The following TMEM230 variants were observed in gnomAD, a reference collection of about 807,000 sequenced individuals.
The protein encoded by TMEM230 is UPF0414 transmembrane protein C20orf30.
A neutral mutation model predicts 15.8 loss-of-function variants in TMEM230; 10 were observed. That is an observed-to-expected ratio of 0.63 (90% confidence interval 0.39 to 1.07). TMEM230 has a LOEUF of 1.07. Among genes scored for constraint, TMEM230 ranks in the 50% least tolerant of loss-of-function variants. The probability of loss-of-function intolerance (pLI) is 0.01; values close to 1 mark genes in which losing one functional copy is unlikely to be tolerated. For synonymous variants in TMEM230, 67 were observed against 76.9 expected, an observed-to-expected ratio of 0.87 and a Z score of 0.68; for missense variants, 165 against 193.3, an observed-to-expected ratio of 0.85 and a Z score of 0.87.
chr20:5,076,413 C>T (rs1173410706), intron 3 of TMEM230, among the ~76,000 whole-genome samples: 4 of 151,836 alleles, frequency 2.6e-5, no homozygotes, highest in East Asian at 2.0e-4. Flanking sequence ...TGGTGGCGGG[C>T]GCCTGTAATC....
chr20:5,110,556 A>G (rs775982105), intron 2 of TMEM230, among the ~76,000 whole-genome samples: 8 of 152,156 alleles, frequency 5.3e-5, no homozygotes, highest in Non-Finnish European at 8.8e-5. Context: ...AAGTGCTGGG[A>G]TTACAGGCCA....
chr20:5,096,055 C>T (rs1461373151), downstream of TMEM230, among the ~76,000 whole-genome samples: 2 of 152,236 alleles, frequency 1.3e-5, no homozygotes, highest in Non-Finnish European at 2.9e-5. Context: ...GACCTCCTCA[C>T]ACCCTCCGTC....
chr20:5,074,813 TA>T (rs1360420175), intron 3 of TMEM230, among the ~76,000 whole-genome samples: 176 of 152,248 alleles, frequency 1.2e-3, no homozygotes, highest in Non-Finnish European at 1.9e-3. Context: ...TATTGCCTTT[TA>T]AAAAAAATTT....
exon 4 of TMEM230, chr20:5,068,790 G>T (rs946866818): frequency 3.8e-5 from 6 of 158,206 alleles, no homozygotes; most frequent in Admixed American, 6.4e-5. Context: ...AGGGGAGAAT[G>T]GATGTAGTAC....
At chr20:5,110,306 C>T (rs148006571) in intron 2 of TMEM230, among the ~76,000 whole-genome samples, 546 of 149,208 alleles carry the variant, frequency 3.7e-3, no homozygotes, top group African/African-American at 0.013. Flanking sequence ...TTTTTCTTTG[C>T]GATAGTCTCA....
At chr20:5,090,223 C>T (rs575114521) in intron 3 of TMEM230, among the ~76,000 whole-genome samples, 47 of 152,072 alleles carry the variant, frequency 3.1e-4, no homozygotes, top group Non-Finnish European at 6.0e-4. Flanking sequence ...CAGAAAATTC[C>T]CTAACACTAA....
Position 5,100,466 on chromosome 20 carries a change from A to G in TMEM230, c.*325T>C. The G allele has an allele frequency of 9.6e-7, 1 of 1,040,362 alleles. No individual in the cohort carries two copies. The highest frequency in any genetic ancestry group is 1.7e-5 in the African/African-American group (1 of 58,932). 64.4% of individuals were successfully genotyped at this position (1,040,362 alleles called of 1,614,324 possible). A position where few individuals can be genotyped will look rare whatever the true frequency, so the allele number is the denominator to read the frequency against. ...CATTTGCTACAAGAACAAATTGGCA[A>G]TGAAGACTATTTAAAAGAAATGCTC... On this transcript the variant is annotated 3_prime_UTR_variant, in exon 5 of 5. Transcript: ENST00000342308.
At chr20:5,092,737 G>C (rs968726987) in intron 3 of TMEM230, among the ~76,000 whole-genome samples, 3 of 151,126 alleles carry the variant, frequency 2.0e-5, no homozygotes, top group Non-Finnish European at 2.9e-5. Flanking sequence ...AAAAAAGAGA[G>C]AGAGAGAGAA....
chr20:5,087,850 G>A (rs558830298), intron 3 of TMEM230, among the ~76,000 whole-genome samples: 100 of 149,092 alleles, frequency 6.7e-4, no homozygotes, highest in African/African-American at 1.4e-3. Context: ...GTACCACCAC[G>A]CCTGGCTAAT....
intron 4 of TMEM230, among the ~76,000 whole-genome samples, chr20:5,105,797 G>A (rs958630806): frequency 1.3e-5 from 2 of 151,906 alleles, no homozygotes; most frequent in African/African-American, 4.8e-5. Context: ...CCAGCACTTT[G>A]GAAGGCTGAG....
At chr20:5,060,233 A>G in the TMEM230 span, among the ~76,000 whole-genome samples, 1 of 151,728 alleles carries the variant, frequency 6.6e-6, no homozygotes. Flanking sequence ...CCTTTTAAAA[A>G]AGAATAGTTT....
chr20:5,105,940 C>T (rs746953839), intron 4 of TMEM230, among the ~76,000 whole-genome samples: 7 of 151,788 alleles, frequency 4.6e-5, no homozygotes, highest in Non-Finnish European at 8.8e-5. Flanking sequence ...GTGGCACACA[C>T]GTGTAGTCCC....
Position 5,100,544 on chromosome 20 carries a change from T to C in TMEM230, c.*247A>G. 7.9e-7 allele frequency: 1 copy of C among 1,263,570 alleles called. No individual in the cohort carries two copies. Among genetic ancestry groups the C allele is most frequent in the Non-Finnish European group, 1.0e-6 (1 of 999,946 alleles). The allele number at this position is 1,263,570 out of a possible 1,614,324, so 78.3% of individuals were successfully genotyped here. On this transcript the variant is annotated 3_prime_UTR_variant, in exon 5 of 5. Transcript: ENST00000342308. ...CACTTTTCCATTACAGAATAACCTC[T>C]ATTCTTCCATGATACATATTCCTGT...
rs114584691 is a variant in TMEM230, at chr20:5,101,885, T to C, written c.412-954A>G. ...CAACAGGAACTCCAACCAAACCTAC[T>C]GTAAGAAGGAACTGACTTACGAGGC... is the stretch of plus-strand genomic sequence containing the variant. On this transcript the variant is annotated intron_variant, in intron 4 of 4. Coordinates refer to ENST00000342308, the MANE Select transcript of TMEM230 (RefSeq NM_001009923.2). 3.1e-3 allele frequency among the ~76,000 whole-genome samples: 466 copies of C among 152,354 alleles called. 3 individuals are homozygous for C. The highest frequency in any genetic ancestry group is 1.0e-2 in the African/African-American group (415 of 41,570).
At chr20:5,062,764 A>G in the TMEM230 span, among the ~76,000 whole-genome samples, 1 of 152,120 alleles carries the variant, frequency 6.6e-6, no homozygotes, top group South Asian at 2.1e-4. Flanking sequence ...CCCTGTCATA[A>G]ATAATAAATA....
chr20:5,072,246 C>A (rs1424289557), intron 3 of TMEM230, among the ~76,000 whole-genome samples: 1 of 151,878 alleles, frequency 6.6e-6, no homozygotes, highest in Non-Finnish European at 1.5e-5. Flanking sequence ...GAAATGGGGC[C>A]TCACTGTGTG....
At chr20:5,088,191 C>T (rs1041326966) in intron 3 of TMEM230, among the ~76,000 whole-genome samples, 31 of 151,076 alleles carry the variant, frequency 2.1e-4, no homozygotes, top group African/African-American at 7.3e-4. Flanking sequence ...TGCCTGTAAT[C>T]CCAGCTACTC....
intron 3 of TMEM230, among the ~76,000 whole-genome samples, chr20:5,090,178 G>T (rs2089467026): frequency 2.6e-5 from 4 of 152,116 alleles, no homozygotes; most frequent in Admixed American, 2.6e-4. Flanking sequence ...GGAAACCAAG[G>T]TATGAGTGAA....
At chr20:5,108,764 T>G (rs371090497) in intron 3 of TMEM230, among the ~76,000 whole-genome samples, 13 of 152,210 alleles carry the variant, frequency 8.5e-5, no homozygotes, top group African/African-American at 3.1e-4. Context: ...GCTGTAGTAT[T>G]GACTAGTTTA....
Sources: gnomAD v4.1 joint callset for allele counts (sites outside exome capture counted in the v4.1 genomes callset) on GRCh38, gnomAD v4.1.1 for gene constraint, MANE v1.5 for transcripts, NCBI Gene and HGNC (gene_info 2026-07-23, HGNC 2026-07-21) for gene names.